TCF12: variants seen among roughly 807,000 people sequenced by gnomAD.
The protein encoded by TCF12 is DNA-binding protein HTF4.
A neutral mutation model predicts 86.0 loss-of-function variants in TCF12; 45 were observed. The observed-to-expected ratio is 0.52, with a 90% CI of 0.41 to 0.67. The LOEUF (loss-of-function observed/expected upper bound fraction) is 0.67, where lower values mean the gene tolerates loss of function less well. Ranked by LOEUF, TCF12 falls within the 30% of genes least tolerant of loss-of-function variation. TCF12 has a pLI of 0.00. For synonymous variants in TCF12, 330 were observed against 299.6 expected (o/e 1.10, Z -1.05); for missense variants, 881 against 859.9 (o/e 1.02, Z -0.31).
chr15:57,138,130 G>A lies in TCF12; in HGVS notation c.326-28272G>A, dbSNP rs549909512. On this transcript the variant is annotated intron_variant, in intron 5 of 20. Transcript: ENST00000333725. ...AGTTCTCTCCTTGGTAGAGAACAAA[G>A]ACAGGCAAAAGAGAAGAATTTCCAG... Among the ~76,000 whole-genome samples, 124 of 152,266 alleles carry A rather than the reference G, an allele frequency of 8.1e-4. 2 individuals are homozygous for A. The highest frequency in any genetic ancestry group is 4.4e-3 in the Admixed American group (68 of 15,302).
chr15:57,272,395 C>T (rs1305206193), intron 18 of TCF12, among the ~76,000 whole-genome samples: 1 of 152,142 alleles, frequency 6.6e-6, no homozygotes, highest in Non-Finnish European at 1.5e-5. Flanking sequence ...TAATTATCAC[C>T]ACTGATGATA....
chr15:56,935,244 G>A (rs909762655), intron 3 of TCF12, among the ~76,000 whole-genome samples: 3 of 152,078 alleles, frequency 2.0e-5, no homozygotes, highest in Non-Finnish European at 4.4e-5. Context: ...GTCTTAGTCT[G>A]CTTGGGCTGC....
chr15:57,194,573 A>G (rs1232272216), intron 7 of TCF12, among the ~76,000 whole-genome samples: 2 of 152,212 alleles, frequency 1.3e-5, no homozygotes, highest in Non-Finnish European at 2.9e-5. Context: ...CAACCTCAGC[A>G]TCTTCACAAA....
In TCF12 at chr15:56,987,260, C is replaced by T. The variant is rs531835203; in HGVS notation, c.148+66162C>T. The stretch of plus-strand genomic sequence containing the variant: ...TTCTGAGTAGCTGGGATTACAGGTG[C>T]CCGCCACCACGCCCGGCTAATTTTT... On this transcript the variant is annotated intron_variant, in intron 3 of 20. Transcript: ENST00000333725. Among the ~76,000 whole-genome samples, 4 of 152,136 alleles carry T rather than the reference C, an allele frequency of 2.6e-5. No homozygotes were observed. In the East Asian group the frequency reaches 7.7e-4, roughly 29 times the overall value.
chr15:57,226,367 G>C (rs1026076535), intron 8 of TCF12, among the ~76,000 whole-genome samples: 6 of 152,112 alleles, frequency 3.9e-5, no homozygotes, highest in Middle Eastern at 6.8e-3. Flanking sequence ...GGGCAAGTTA[G>C]CCAAATAATT....
chr15:56,982,840 C>A (rs1438978825), intron 3 of TCF12, among the ~76,000 whole-genome samples: 1 of 152,158 alleles, frequency 6.6e-6, no homozygotes, highest in East Asian at 1.9e-4. Flanking sequence ...GTCTGTCTTA[C>A]CATACATTAT....
rs2059726239 is a variant in TCF12 at position 57,243,570 on chromosome 15, A to G, written c.1114+20A>G. ...TCACAGGTAGGCTTCTGTTTTATCT[A>G]CTTCTAACTGGTGGGACTACTTGGA... On this transcript the variant is annotated intron_variant, in intron 13 of 20. Coordinates refer to ENST00000333725, the MANE Select transcript of TCF12 (RefSeq NM_207037.2). The G allele has an allele frequency of 4.4e-6, 7 of 1,586,072 alleles. No individual in the cohort carries two copies. The highest frequency in any genetic ancestry group is 1.3e-5 in the African/African-American group (1 of 74,190).
chr15:57,017,868 C>G (rs979432213), intron 3 of TCF12, among the ~76,000 whole-genome samples: 1 of 151,700 alleles, frequency 6.6e-6, no homozygotes, highest in Non-Finnish European at 1.5e-5. Context: ...TTCTTCTTCA[C>G]CCAGTTTTAG....
At chr15:56,975,044 T>C (rs1417503287) in intron 3 of TCF12, among the ~76,000 whole-genome samples, 2 of 152,178 alleles carry the variant, frequency 1.3e-5, no homozygotes, top group African/African-American at 2.4e-5. Flanking sequence ...ATAAATGTTT[T>C]CCCATCATTT....
chr15:57,207,634 A>T (rs2057895209), intron 8 of TCF12, among the ~76,000 whole-genome samples: 1 of 152,070 alleles, frequency 6.6e-6, no homozygotes, highest in Non-Finnish European at 1.5e-5. Context: ...TAAAGATCAC[A>T]CCATTGCACT....
intron 13 of TCF12, among the ~76,000 whole-genome samples, chr15:57,243,874 T>A (rs1410723861): frequency 6.6e-6 from 1 of 151,882 alleles, no homozygotes; most frequent in African/African-American, 2.4e-5. Context: ...AAATCAAAAG[T>A]TTTTCTAAAG....
At chr15:57,085,085 G>A (rs995804372) in intron 4 of TCF12, among the ~76,000 whole-genome samples, 29 of 152,006 alleles carry the variant, frequency 1.9e-4, no homozygotes, top group African/African-American at 7.0e-4. Context: ...TTCAAGACTC[G>A]CTCTTCCTTC....
intron 6 of TCF12, among the ~76,000 whole-genome samples, chr15:57,177,433 A>T (rs1040595975): frequency 1.3e-5 from 2 of 151,648 alleles, no homozygotes; most frequent in East Asian, 3.9e-4. Context: ...TCACACCCAG[A>T]TAACTTTTTG....
At chr15:56,936,153 A>G (rs918302200) in intron 3 of TCF12, among the ~76,000 whole-genome samples, 2 of 151,302 alleles carry the variant, frequency 1.3e-5, no homozygotes, top group East Asian at 3.9e-4. Context: ...TTATCTTTTT[A>G]TTTTTTTATT....
chr15:56,957,411 G>C (rs566144352), intron 3 of TCF12, among the ~76,000 whole-genome samples: 1 of 152,154 alleles, frequency 6.6e-6, no homozygotes, highest in Admixed American at 6.5e-5. Context: ...AAAAAATTCT[G>C]TTTTCTCTTT....
rs552660890 is a variant in TCF12 at position 56,926,012 on chromosome 15, A to T, written c.148+4914A>T. Among the ~76,000 whole-genome samples the T allele has an allele frequency of 8.3e-4, 127 of 152,364 alleles. 1 individual carries two copies. The highest frequency in any genetic ancestry group is 2.8e-3 in the African/African-American group (117 of 41,594). On this transcript the variant is annotated intron_variant, in intron 3 of 20. Transcript: ENST00000333725. ...TGGGAAATGGAGAAGGTCATTGCTC[A>T]GAAAAAGTGGAGACATTTCGTTGGC...
At chr15:57,092,861 A>C (rs1807076918) in intron 5 of TCF12, among the ~76,000 whole-genome samples, 1 of 152,180 alleles carries the variant, frequency 6.6e-6, no homozygotes, top group Non-Finnish European at 1.5e-5. Context: ...TCGTCCTTTT[A>C]AGACACAGCC....
At chr15:57,168,396 G>C (rs1271567965) in intron 6 of TCF12, among the ~76,000 whole-genome samples, 1 of 152,156 alleles carries the variant, frequency 6.6e-6, no homozygotes, top group Non-Finnish European at 1.5e-5. Context: ...GTATCTTTCT[G>C]ACCTTTTTCA....
At chr15:57,015,377 T>A (rs548850588) in intron 3 of TCF12, among the ~76,000 whole-genome samples, 2 of 152,336 alleles carry the variant, frequency 1.3e-5, no homozygotes, top group African/African-American at 4.8e-5. Context: ...AGCCCATGTT[T>A]TGGTTTTCAT....
Sources: gnomAD v4.1 joint callset for allele counts (sites outside exome capture counted in the v4.1 genomes callset) on GRCh38, gnomAD v4.1.1 for gene constraint, MANE v1.5 for transcripts, NCBI Gene and HGNC (gene_info 2026-07-23, HGNC 2026-07-21) for gene names.